The following KCTD1 variants were observed in gnomAD, a reference collection of about 807,000 sequenced individuals.
The protein encoded by KCTD1 is potassium channel tetramerization domain containing 1.
A neutral mutation model predicts 66.0 loss-of-function variants in KCTD1; 24 were observed. The observed-to-expected ratio is 0.36, with a 90% confidence interval of 0.26 to 0.51. The LOEUF (loss-of-function observed/expected upper bound fraction) is 0.51, where lower values mean the gene tolerates loss of function less well. KCTD1 is among the 20% of genes least tolerant of loss of function. The probability of loss-of-function intolerance (pLI) is 0.95; values close to 1 mark genes in which losing one functional copy is unlikely to be tolerated. For missense variants in KCTD1, 943 were observed against 1,205.2 expected, an observed-to-expected ratio of 0.78 and a Z score of 3.22; for synonymous variants, 511 against 517.2, an observed-to-expected ratio of 0.99 and a Z score of 0.16.
chr18:26,599,723 A>G, intron 1 of KCTD1: 1 of 1,557,280 alleles, frequency 6.4e-7, no homozygotes, highest in Non-Finnish European at 8.9e-7. Flanking sequence ...AGATAACAAT[A>G]GCAAAGTGAA....
chr18:26,488,527 C>T (rs1417610318), intron 2 of KCTD1, among the ~76,000 whole-genome samples: 1 of 151,850 alleles, frequency 6.6e-6, no homozygotes, highest in Non-Finnish European at 1.5e-5. Context: ...GGGGCCTCGC[C>T]AAGTTTAACG....
At chr18:26,593,782 G>A (rs1454220150) in intron 1 of KCTD1, among the ~76,000 whole-genome samples, 1 of 139,190 alleles carries the variant, frequency 7.2e-6, no homozygotes, top group Non-Finnish European at 1.5e-5. Context: ...GGAGGGAGGA[G>A]GAAGATAAGG....
intron 1 of KCTD1, among the ~76,000 whole-genome samples, chr18:26,510,022 T>G (rs1455713731): frequency 6.6e-6 from 1 of 152,212 alleles, no homozygotes; most frequent in Non-Finnish European, 1.5e-5. Context: ...TGAAGTTTCT[T>G]TCTTTCCTCC....
intron 1 of KCTD1, among the ~76,000 whole-genome samples, chr18:26,620,025 C>A (rs976025671): frequency 1.3e-5 from 2 of 152,130 alleles, no homozygotes; most frequent in Non-Finnish European, 2.9e-5. Flanking sequence ...GGAGACCCTG[C>A]ATAATGGTAG....
At chr18:26,591,739 T>G (rs1021665176) in intron 1 of KCTD1, among the ~76,000 whole-genome samples, 1 of 152,242 alleles carries the variant, frequency 6.6e-6, no homozygotes, top group Non-Finnish European at 1.5e-5. Flanking sequence ...TAAACAATCT[T>G]GGGACACTAA....
intron 1 of KCTD1, among the ~76,000 whole-genome samples, chr18:26,522,246 T>C (rs900477111): frequency 6.6e-6 from 1 of 152,188 alleles, no homozygotes; most frequent in Non-Finnish European, 1.5e-5. Flanking sequence ...AAGCCAGTGA[T>C]TGGCATCCTT....
In KCTD1 at chr18:26,547,707, G is replaced by A. The variant is rs1017957874; in HGVS notation, c.830C>T (p.Pro277Leu). Residue 277 changes from proline (P) to leucine (L), a missense_variant, in exon 1 of 5, where the codon CCG becomes CTG. Coordinates refer to ENST00000580059, the MANE Select transcript of KCTD1 (RefSeq NM_001142730.3). ...IRKLEEQGAG[P>L]VVQKQAITRA... ...CGTGATGGCTTGCTTCTGCACCACC[G>A]GCCCGGCGCCCTGCTCCTCGAGCTT... The A allele has an allele frequency of 2.6e-6, 4 of 1,549,624 alleles. No individual in the cohort carries two copies. In the African/African-American group the frequency reaches 5.5e-5, roughly 21 times the overall value.
intron 1 of KCTD1, among the ~76,000 whole-genome samples, chr18:26,601,580 C>A (rs34577707): frequency 0.066 from 9,969 of 152,196 alleles, 380 homozygotes; most frequent in South Asian, 0.14. Context: ...ATGGAGACTG[C>A]ATTGAATCTG....
Position 26,614,368 on chromosome 18 carries a change from G to GA in KCTD1, c.-16+14778dup, listed in dbSNP as rs1486190007. Among the ~76,000 whole-genome samples, 5 of 152,296 alleles carry GA rather than the reference G, an allele frequency of 3.3e-5. No homozygotes were observed. The South Asian group carries it at 8.3e-4, about 25-fold the overall frequency. On this transcript the variant is annotated intron_variant, in intron 1 of 4. Transcript: ENST00000317932. ...TCACCTTCTAATAGAAAGACAAATA[G>GA]AAAAAATCCATGACTATGCTCCAAA...
At chr18:26,610,601 GGAAGGAAGGAAGGAAT>G (rs1480196193) in intron 1 of KCTD1, among the ~76,000 whole-genome samples, 5 of 147,196 alleles carry the variant, frequency 3.4e-5, no homozygotes, top group Non-Finnish European at 7.5e-5. Context: ...AAGAAAGGAA[GGAAGGAAGGAAGGAAT>G]GAAGGAAGGA....
chr18:26,626,637 C>G (rs1987508544), intron 1 of KCTD1, among the ~76,000 whole-genome samples: 1 of 152,052 alleles, frequency 6.6e-6, no homozygotes, highest in Non-Finnish European at 1.5e-5. Context: ...CCATGCCTGG[C>G]TAACTTTTTT....
At chr18:26,548,656 A>T, upstream of KCTD1, 2 of 1,055,992 alleles carry the variant, frequency 1.9e-6, no homozygotes, top group Non-Finnish European at 2.3e-6. Flanking sequence ...CTCTTAAAGG[A>T]GCCGCGCTCC....
Position 26,565,295 on chromosome 18 carries a change from T to A in KCTD1, c.-16+63852A>T, listed in dbSNP as rs565906596. 3.3e-5 allele frequency among the ~76,000 whole-genome samples: 5 copies of A among 152,302 alleles called. No individual in the cohort carries two copies. In the South Asian group the frequency reaches 1.0e-3, roughly 32 times the overall value. On this transcript the variant is annotated intron_variant, in intron 1 of 4. Coordinates refer to the KCTD1 transcript ENST00000317932. ...AACCTTTCCCTTTACATGGATGTGG[T>A]TCTGAGGGGATTCATCAAAGAGCTT...
At chr18:26,546,577 G>A (rs1012353918) in intron 1 of KCTD1, 151 bp downstream of exon 1, 2 of 877,630 alleles carry the variant, frequency 2.3e-6, no homozygotes, top group African/African-American at 3.5e-5. Flanking sequence ...AAAGCACCAA[G>A]AGAGTTAACT....
intron 1 of KCTD1, among the ~76,000 whole-genome samples, chr18:26,517,282 T>A (rs764518647): frequency 6.6e-6 from 1 of 152,154 alleles, no homozygotes. Context: ...TGGGAGATAA[T>A]TGAATCATGG....
At chr18:26,462,791 C>G (rs376440170) in intron 3 of KCTD1, among the ~76,000 whole-genome samples, 15 of 152,294 alleles carry the variant, frequency 9.8e-5, no homozygotes, top group African/African-American at 3.4e-4. Context: ...TAACTTTACT[C>G]TCTAAGTACC....
chr18:26,583,335 A>G (rs1433569906), intron 1 of KCTD1, among the ~76,000 whole-genome samples: 6 of 142,520 alleles, frequency 4.2e-5, no homozygotes, highest in African/African-American at 7.7e-5. Context: ...CGAAGGTTGC[A>G]GTAAGCTGAG....
At chr18:26,501,791 A>G (rs926508722) in intron 1 of KCTD1, among the ~76,000 whole-genome samples, 8 of 152,226 alleles carry the variant, frequency 5.3e-5, no homozygotes, top group African/African-American at 1.9e-4. Context: ...CAGCTCACAT[A>G]CTTAAAGCAA....
At chr18:26,493,467 G>A (rs1266939664) in intron 2 of KCTD1, among the ~76,000 whole-genome samples, 2 of 152,170 alleles carry the variant, frequency 1.3e-5, no homozygotes, top group Non-Finnish European at 2.9e-5. Context: ...ATATGTCAAA[G>A]TGGGCCTATT....
Sources: allele counts gnomAD v4.1 joint callset (sites outside exome capture counted in the v4.1 genomes callset), GRCh38; gene constraint gnomAD v4.1.1; transcripts MANE v1.5; gene names NCBI Gene and HGNC (gene_info 2026-07-23, HGNC 2026-07-21).